The following SLX4 variants were observed in gnomAD, a reference collection of about 807,000 sequenced individuals.
SLX4 encodes structure-specific endonuclease subunit SLX4.
Under a neutral mutation model 146.2 loss-of-function variants are expected in SLX4, and 112 were observed. That is an observed-to-expected ratio of 0.77 (90% CI 0.66 to 0.90). SLX4 has a LOEUF of 0.90. Among genes scored for constraint, SLX4 ranks in the 40% least tolerant of loss-of-function variants. The pLI, the probability that SLX4 is intolerant of heterozygous loss-of-function variation, is 0.00. For synonymous variants in SLX4, 1,061 were observed against 997.7 expected (o/e 1.06, Z -1.20); for missense variants, 2,563 against 2,392.7 (o/e 1.07, Z -1.49).
At position 3,589,547 on chromosome 16, in the gene SLX4, C is replaced by G; in HGVS notation, c.4091G>C (p.Gly1364Ala). The G allele has an allele frequency of 6.2e-7, 1 of 1,611,684 alleles. No homozygotes were observed. The change falls in exon 12 of 15, where the codon GGG becomes GCG. Residue 1364 changes from glycine (G) to alanine (A), a missense_variant. Physicochemically the swap from Gly to Ala is moderately conservative, Grantham distance 60 (BLOSUM62 0). Transcript: ENST00000294008. The surrounding 1 kb of genome is among the most constrained non-coding windows in gnomAD (Gnocchi z 6.2). ...CCGCCTGCTGAAGTGGGCGCGGTCCCCTGAGATGGGATGTGGAGCCAGCGG... is the reference window on the plus strand; with the variant it reads ...CCGCCTGCTGAAGTGGGCGCGGTCCGCTGAGATGGGATGTGGAGCCAGCGG... ...SSPLAPHPISGDRAHFSRRFL... is the reference protein window; with the variant it reads ...SSPLAPHPISADRAHFSRRFL...
At chr16:3,595,868 C>A (rs2040646687) in intron 8 of SLX4, among the ~76,000 whole-genome samples, 175 bp from the exon 9 acceptor site, 1 of 152,210 alleles carries the variant, frequency 6.6e-6, no homozygotes, top group South Asian at 2.1e-4. Flanking sequence ...CACCACTCCA[C>A]CAGGGAGGTA....
At chr16:3,588,768 C>G (rs181741746) in intron 12 of SLX4, among the ~76,000 whole-genome samples, 6 of 152,120 alleles carry the variant, frequency 3.9e-5, no homozygotes, top group African/African-American at 1.4e-4. Flanking sequence ...CAGGTGAGCA[C>G]TGGAGCCAGG....
In SLX4 at chr16:3,606,592, C is replaced by T. The variant is rs2151137919; in HGVS notation, c.642G>A (p.Gln214=). 1.9e-6 allele frequency: 3 copies of T among 1,614,218 alleles called. No individual in the cohort carries two copies. Among genetic ancestry groups the T allele is most frequent in the Non-Finnish European group, 2.5e-6 (3 of 1,180,050 alleles). The part of the protein sequence containing the change: ...RTAQLVLQRM[Q]QFKRADPERL... Reference sequence around the variant, plus strand: ...GCTCGGGGTCTGCTCTCTTGAACTGCTGCATTCGCTGTAGGACCAATTGTG... The same window carrying T: ...GCTCGGGGTCTGCTCTCTTGAACTGTTGCATTCGCTGTAGGACCAATTGTG... The change falls in exon 3 of 15, where the codon CAG becomes CAA. Residue 214 remains glutamine (Q), a synonymous_variant. Coordinates refer to ENST00000294008, the MANE Select transcript of SLX4 (RefSeq NM_032444.4).
intron 3 of SLX4, among the ~76,000 whole-genome samples, chr16:3,603,322 G>C (rs1266035198): frequency 6.6e-6 from 1 of 152,254 alleles, no homozygotes; most frequent in African/African-American, 2.4e-5. Context: ...GGGATTACAG[G>C]CGTGAGCCAC....
At position 3,589,416 on chromosome 16, in the gene SLX4, G is replaced by C. The variant is rs2040548722; in HGVS notation, c.4222C>G (p.Gln1408Glu). The C allele has an allele frequency of 6.2e-7, 1 of 1,602,456 alleles. No individual in the cohort carries two copies. Among genetic ancestry groups the C allele is most frequent in the Non-Finnish European group, 8.5e-7 (1 of 1,171,412 alleles). Residue 1408 changes from glutamine (Q) to glutamate (E), a missense_variant, in exon 12 of 15, where the codon CAG becomes GAG. Coordinates refer to ENST00000294008, the MANE Select transcript of SLX4 (RefSeq NM_032444.4). The surrounding 1 kb of genome is among the most constrained non-coding windows in gnomAD (Gnocchi z 6.2). ...SDDEQEVASHQANRSPPLDSD... is the reference protein window; with the variant it reads ...SDDEQEVASHEANRSPPLDSD... ...TCCAGTGGGGGGCTTCTGTTGGCCT[G>C]ATGGGAGGCCACCTCCTGCTCATCG...
intron 3 of SLX4, among the ~76,000 whole-genome samples, 173 bp from the exon 4 acceptor site, chr16:3,602,480 A>G (rs112614518): frequency 1.4e-4 from 21 of 152,344 alleles, no homozygotes; most frequent in African/African-American, 4.8e-4. Context: ...GAGACTGGGC[A>G]CTAATCAGCA....
chr16:3,592,970 T>C, intron 10 of SLX4, 105 bp from the exon 11 acceptor site: 1 of 1,227,962 alleles, frequency 8.1e-7, no homozygotes. Context: ...TTTTTATTTT[T>C]CTTTTTAGAG....
chr16:3,601,672 G>C, intron 4 of SLX4: 1 of 307,732 alleles, frequency 3.2e-6, no homozygotes, highest in South Asian at 3.1e-5. Flanking sequence ...CCTGCTCCAT[G>C]CTACAACATG....
intron 14 of SLX4, 67 bp downstream of exon 14, chr16:3,583,030 C>T (rs2040458625): frequency 6.3e-7 from 1 of 1,589,216 alleles, no homozygotes; most frequent in African/African-American, 1.3e-5. Context: ...CTCACTCGTG[C>T]CAACCCTCAC....
chr16:3,589,190 G>C lies in SLX4; in HGVS notation c.4448C>G (p.Thr1483Ser). The C allele has an allele frequency of 6.2e-7, 1 of 1,614,136 alleles. No homozygotes were observed. Among genetic ancestry groups the C allele is most frequent in the Non-Finnish European group, 8.5e-7 (1 of 1,179,998 alleles). Residue 1483 changes from threonine to serine, a missense_variant, in exon 12 of 15, where the codon ACT becomes AGT. Thr to Ser is a moderately conservative substitution (Grantham distance 58). Coordinates refer to ENST00000294008, the MANE Select transcript of SLX4 (RefSeq NM_032444.4). This position sits in a 1 kb window ranked among gnomAD's most constrained non-coding sequence, Gnocchi z 6.2. ...CTTCTCTTGCAATTTCCTCTGGGTA[G>C]TGCAGCTTCCTCGGATGGGGGTGGT... ...LDTTPIRGSC[T>S]TQRKLQEKSS...
chr16:3,596,338 C>G lies in SLX4; in HGVS notation c.1739G>C (p.Ser580Thr). Reference protein sequence around the residue: ...PLVPPEHSELSERRSPALHGT... With the variant: ...PLVPPEHSELTERRSPALHGT... Reference sequence around the variant, plus strand: ...GTGGAGAGCGGGTGACCTTCGCTCGCTCAGCTCTGAGTGCTCAGGTGGCAC... The same window carrying G: ...GTGGAGAGCGGGTGACCTTCGCTCGGTCAGCTCTGAGTGCTCAGGTGGCAC... Residue 580 changes from serine (S) to threonine (T), a missense_variant, in exon 8 of 15, where the codon AGC becomes ACC. Coordinates refer to ENST00000294008, the MANE Select transcript of SLX4 (RefSeq NM_032444.4). 1 of 1,594,260 alleles carries G rather than the reference C, an allele frequency of 6.3e-7. No individual in the cohort carries two copies. Among genetic ancestry groups the G allele is most frequent in the South Asian group, 1.1e-5 (1 of 88,484 alleles).
Position 3,609,055 on chromosome 16 carries a change from A to G in SLX4, c.-91T>C, listed in dbSNP as rs1693421395. Reference sequence around the variant, plus strand: ...TTTTCCTCTCTATAATGATTGAAGTATCTTTGTTCAAATTGGGCCTGTGGT... The same window carrying G: ...TTTTCCTCTCTATAATGATTGAAGTGTCTTTGTTCAAATTGGGCCTGTGGT... On this transcript the variant is annotated 5_prime_UTR_variant, in exon 2 of 15. Transcript: ENST00000294008. The G allele has an allele frequency of 2.7e-6, 4 of 1,457,012 alleles. No homozygotes were observed. The highest frequency in any genetic ancestry group is 4.7e-4 in the Middle Eastern group (2 of 4,236). The allele number at this position is 1,457,012 out of a possible 1,614,324, so 90.3% of individuals were successfully genotyped here.
Position 3,597,775 on chromosome 16 carries a change from T to C in SLX4, c.1366+22A>G. ...GACCTGCTGATGGCCTCTCCCAGGG[T>C]CACTCTTCTGATCACACAAACCTGC... On this transcript the variant is annotated intron_variant, in intron 6 of 14. Coordinates refer to ENST00000294008, the MANE Select transcript of SLX4 (RefSeq NM_032444.4). This position sits in a 1 kb window ranked among gnomAD's most constrained non-coding sequence, Gnocchi z 4.4. 6.2e-7 allele frequency: 1 copy of C among 1,614,076 alleles called. No individual in the cohort carries two copies. The highest frequency in any genetic ancestry group is 8.5e-7 in the Non-Finnish European group (1 of 1,180,014).
At chr16:3,584,382 C>G (rs1001574563) in intron 13 of SLX4, among the ~76,000 whole-genome samples, 2 of 152,096 alleles carry the variant, frequency 1.3e-5, no homozygotes, top group African/African-American at 2.4e-5. Flanking sequence ...GACTGCGCCA[C>G]TGCACTCCAG....
At position 3,582,432 on chromosome 16, in the gene SLX4, A is replaced by G; in HGVS notation, c.5415T>C (p.Cys1805=). The G allele has an allele frequency of 1.2e-6, 2 of 1,613,910 alleles. No individual in the cohort carries two copies. Among genetic ancestry groups the G allele is most frequent in the Non-Finnish European group, 1.7e-6 (2 of 1,180,020 alleles). ...GGGTGGCGGCAGTGGTGAAGGTGATACAGTGGGTGTCCAGGAAGTCCAACA... is the reference window on the plus strand; with the variant it reads ...GGGTGGCGGCAGTGGTGAAGGTGATGCAGTGGGTGTCCAGGAAGTCCAACA... ...RRLLDFLDTH[C]ITFTTAATRR... is the part of the protein sequence containing the mutation. Residue 1805 remains cysteine (C), a synonymous_variant, in exon 15 of 15, where the codon TGT becomes TGC. Coordinates refer to ENST00000294008, the MANE Select transcript of SLX4 (RefSeq NM_032444.4).
rs184285818 is a variant in SLX4 at position 3,595,192 on chromosome 16, C to T, written c.2013+413G>A. On this transcript the variant is annotated intron_variant, in intron 9 of 14. Coordinates refer to ENST00000294008, the MANE Select transcript of SLX4 (RefSeq NM_032444.4). ...GGCTGCTCAGCTGTGCTCTGGAGCC[C>T]AGGACCCGCACAGAGGGGAGGGAGA... Among the ~76,000 whole-genome samples, 617 of 152,326 alleles carry T rather than the reference C, an allele frequency of 4.1e-3. 3 individuals are homozygous for T. Among genetic ancestry groups the T allele is most frequent in the African/African-American group, 0.014 (575 of 41,582 alleles).
At position 3,597,233 on chromosome 16, in the gene SLX4, C is replaced by G. The variant is rs2040670760; in HGVS notation, c.1683+146G>C. The G allele has an allele frequency of 1.2e-6, 1 of 865,836 alleles. No individual in the cohort carries two copies. The highest frequency in any genetic ancestry group is 1.7e-6 in the Non-Finnish European group (1 of 578,900). 53.6% of individuals were successfully genotyped at this position (865,836 alleles called of 1,614,324 possible). ...TGCTGGACAGAGAAGAAAGCTGCAG[C>G]CACCAAGTGCCCCTCTGGCCTCCTC... On this transcript the variant is annotated intron_variant, in intron 7 of 14. Coordinates refer to ENST00000294008, the MANE Select transcript of SLX4 (RefSeq NM_032444.4). The surrounding 1 kb of genome is among the most constrained non-coding windows in gnomAD (Gnocchi z 4.4).
rs889646690 is a variant in SLX4, at chr16:3,594,592, A to C, written c.2021T>G (p.Leu674Arg). ...GCCAAAGTCAGCAACCAGCAGCCCG[A>C]GGGAGAGCTGAAGCAGGAGGAGAGG... ...PDRGGRTLLS[L>R]GLLVADFGAM... The change falls in exon 10 of 15, where the codon CTC becomes CGC. Residue 674 changes from leucine (L) to arginine (R), a missense_variant. Coordinates refer to ENST00000294008, the MANE Select transcript of SLX4 (RefSeq NM_032444.4). The C allele has an allele frequency of 4.3e-6, 7 of 1,613,918 alleles. No individual in the cohort carries two copies. Among genetic ancestry groups the C allele is most frequent in the Non-Finnish European group, 5.9e-6 (7 of 1,179,994 alleles).
chr16:3,590,322 C>G lies in SLX4; in HGVS notation c.3316G>C (p.Val1106Leu). The G allele has an allele frequency of 2.5e-6, 4 of 1,614,202 alleles. No individual in the cohort carries two copies. In the South Asian group the frequency reaches 3.3e-5, roughly 13 times the overall value. ...ACCCCCTTATTTCTGCACTCCAGCA[C>G]GGACCGACGCTCTTTGCCTTTCTGG... ...GHQKGKERRS[V>L]LECRNKGVLM... is the part of the protein sequence containing the mutation. Residue 1106 changes from valine (V) to leucine (L), a missense_variant, in exon 12 of 15, where the codon GTG (valine) becomes CTG (leucine). By Grantham distance (32) the Val-to-Leu change is conservative. Transcript: ENST00000294008. This position sits in a 1 kb window ranked among gnomAD's most constrained non-coding sequence, Gnocchi z 4.8.
Sources: gnomAD v4.1 joint callset for allele counts (sites outside exome capture counted in the v4.1 genomes callset) on GRCh38, gnomAD v4.1.1 for gene constraint, Gnocchi (gnomAD v3.1) non-coding constraint, MANE v1.5 for transcripts, NCBI Gene and HGNC (gene_info 2026-07-23, HGNC 2026-07-21) for gene names.